SMG6: variants seen among roughly 807,000 people sequenced by gnomAD.
SMG6 encodes the protein SMG6 nonsense mediated mRNA decay factor.
In SMG6, 66 loss-of-function variants were observed where a neutral mutation model predicts 142.2. The observed-to-expected ratio is 0.46, with a 90% CI of 0.38 to 0.57. The LOEUF (loss-of-function observed/expected upper bound fraction) is 0.57. SMG6 is among the 20% of genes least tolerant of loss of function. The probability of loss-of-function intolerance (pLI) is 0.00; values close to 1 mark genes in which losing one functional copy is unlikely to be tolerated. For missense variants in SMG6, 1,793 were observed against 1,832.0 expected (o/e 0.98, Z 0.39); for synonymous variants, 779 against 702.4 (o/e 1.11, Z -1.72).
At chr17:2,289,794 T>A (rs2074989606) in intron 6 of SMG6, among the ~76,000 whole-genome samples, 1 of 151,640 alleles carries the variant, frequency 6.6e-6, no homozygotes, top group African/African-American at 2.4e-5. Flanking sequence ...GCACCTGTAA[T>A]CCCAGCTACC....
intron 13 of SMG6, among the ~76,000 whole-genome samples, chr17:2,105,920 TAA>T (rs1487831687): frequency 6.6e-6 from 1 of 152,162 alleles, no homozygotes; most frequent in Non-Finnish European, 1.5e-5. Flanking sequence ...CTACTGAATG[TAA>T]AGAGTAAAGT....
chr17:2,182,678 C>G (rs576631584), intron 12 of SMG6, among the ~76,000 whole-genome samples: 1 of 152,162 alleles, frequency 6.6e-6, no homozygotes, highest in Admixed American at 6.5e-5. Context: ...CCCCTCCCTA[C>G]TCCCCAAAAG....
At chr17:2,114,557 C>A (rs1377543050) in intron 13 of SMG6, among the ~76,000 whole-genome samples, 2 of 152,016 alleles carry the variant, frequency 1.3e-5, no homozygotes, top group Non-Finnish European at 2.9e-5. Flanking sequence ...ACAGATGAGA[C>A]CTTAGCGGCA....
chr17:2,262,222 T>C (rs1012717976), intron 8 of SMG6, among the ~76,000 whole-genome samples: 3 of 152,252 alleles, frequency 2.0e-5, no homozygotes, highest in Admixed American at 6.5e-5. Context: ...GCATAACTTA[T>C]TCCTAAGCCA....
At chr17:2,088,040 G>A (rs980245811) in intron 13 of SMG6, 1 of 985,596 alleles carries the variant, frequency 1.0e-6, no homozygotes. Flanking sequence ...GGGAGCTAAG[G>A]AGTGAGAAGA....
intron 13 of SMG6, among the ~76,000 whole-genome samples, chr17:2,096,418 AG>A (rs1736070114): frequency 6.6e-6 from 1 of 152,232 alleles, no homozygotes; most frequent in African/African-American, 2.4e-5. Context: ...CATGTTGGCC[AG>A]GATGGCCTCG....
chr17:2,294,494 G>A (rs529080469), intron 4 of SMG6, among the ~76,000 whole-genome samples: 128 of 152,302 alleles, frequency 8.4e-4, no homozygotes, highest in Admixed American at 1.7e-3. Context: ...ACCTCAGTCA[G>A]ACCAGACTCC....
intron 13 of SMG6, among the ~76,000 whole-genome samples, chr17:2,130,868 G>GT (rs1335563994): frequency 6.6e-6 from 1 of 152,098 alleles, no homozygotes; most frequent in Non-Finnish European, 1.5e-5. Context: ...GCTGGGCGTG[G>GT]TGGCAGGTGC....
rs891050326 is a variant in SMG6 at position 2,122,675 on chromosome 17, C to A, written c.3358-36774G>T. Among the ~76,000 whole-genome samples, 43 of 152,218 alleles carry A rather than the reference C, an allele frequency of 2.8e-4. 1 individual carries two copies. The highest frequency in any genetic ancestry group is 1.5e-5 in the Non-Finnish European group (1 of 68,042). On this transcript the variant is annotated intron_variant, in intron 13 of 18. Coordinates refer to ENST00000263073, the MANE Select transcript of SMG6 (RefSeq NM_017575.5). The stretch of plus-strand genomic sequence containing the variant: ...AAGTTAGAAGCCGCGAGCCACTTAG[C>A]CTCTCCAGCTCCAGTAGTTCTGTGT...
chr17:2,061,742 TCTTCTACCAGTC>T, intron 18 of SMG6, 120 bp from the exon 19 acceptor site: 1 of 1,177,282 alleles, frequency 8.5e-7, no homozygotes, highest in South Asian at 1.4e-5. Context: ...GTGTCTTGGC[TCTTCTACCAGTC>T]CTTTCCTCCG....
At chr17:2,213,727 A>G (rs1400469835) in intron 10 of SMG6, 1 of 152,238 alleles carries the variant, frequency 6.6e-6, no homozygotes, top group East Asian at 1.9e-4. Context: ...CACTGCACAG[A>G]CTGTAACAAC....
Position 2,190,762 on chromosome 17 carries a change from C to T in SMG6, c.2870-2247G>A, listed in dbSNP as rs1190235202. On this transcript the variant is annotated intron_variant, in intron 10 of 18. Transcript: ENST00000263073. ...AAGGCAGCTTCATGACTGCTCTGTCCTTGGTGACGGTTATGTCACCTCAAC... is the reference window on the plus strand; with the variant it reads ...AAGGCAGCTTCATGACTGCTCTGTCTTTGGTGACGGTTATGTCACCTCAAC... 2.0e-5 allele frequency among the ~76,000 whole-genome samples: 3 copies of T among 152,168 alleles called. No individual in the cohort carries two copies. In the East Asian group the frequency reaches 5.8e-4, roughly 29 times the overall value.
intron 13 of SMG6, among the ~76,000 whole-genome samples, chr17:2,161,105 CT>C (rs34928313): frequency 0.37 from 48,856 of 132,518 alleles, 9,419 homozygotes; most frequent in African/African-American, 0.54. Context: ...ATAACTGACC[CT>C]TTTTTTTTTT....
chr17:2,086,563 G>A (rs1021195589), intron 13 of SMG6, among the ~76,000 whole-genome samples: 9 of 152,302 alleles, frequency 5.9e-5, no homozygotes, highest in Non-Finnish European at 1.2e-4. Flanking sequence ...TGACGTTTAC[G>A]CCAACCTGCT....
chr17:2,232,759 A>C (rs1199096816), intron 10 of SMG6: 1 of 152,126 alleles, frequency 6.6e-6, no homozygotes, highest in Non-Finnish European at 1.5e-5. Flanking sequence ...TGAAACTGGA[A>C]AGTTTAGTTG....
chr17:2,179,048 G>A (rs1485937262), intron 12 of SMG6, among the ~76,000 whole-genome samples: 4 of 152,182 alleles, frequency 2.6e-5, no homozygotes, highest in South Asian at 2.1e-4. Flanking sequence ...TACGGGAGGC[G>A]TGGGGAGGGG....
chr17:2,151,610 G>T (rs2070827770), intron 13 of SMG6, among the ~76,000 whole-genome samples: 1 of 152,178 alleles, frequency 6.6e-6, no homozygotes, highest in Non-Finnish European at 1.5e-5. Context: ...CAAAGAAAAA[G>T]AAACTCTACT....
Position 2,299,140 on chromosome 17 carries a change from A to T in SMG6, c.1613T>A (p.Val538Glu). 1 of 1,613,436 alleles carries T rather than the reference A, an allele frequency of 6.2e-7. No homozygotes were observed. Among genetic ancestry groups the T allele is most frequent in the Non-Finnish European group, 8.5e-7 (1 of 1,179,530 alleles). Residue 538 changes from valine to glutamate, a missense_variant, in exon 2 of 19, where the codon GTG becomes GAG. Val to Glu is a moderately radical substitution (Grantham distance 121). Coordinates refer to ENST00000263073, the MANE Select transcript of SMG6 (RefSeq NM_017575.5). The surrounding 1 kb of genome is among the most constrained non-coding windows in gnomAD (Gnocchi z 4.3). ...LQYPVGPTNG[V>E]YPGPYYPGYP... ...GCCTGGGTAGTAAGGCCCTGGGTAC[A>T]CACCATTCGTAGGGCCCACTGGGTA...
At chr17:2,281,187 T>C (rs2074777733) in intron 8 of SMG6, among the ~76,000 whole-genome samples, 2 of 152,162 alleles carry the variant, frequency 1.3e-5, no homozygotes, top group Non-Finnish European at 2.9e-5. Context: ...GCACCTACGC[T>C]GGATCATAGC....
Sources: gnomAD v4.1 joint callset for allele counts (sites outside exome capture counted in the v4.1 genomes callset) on GRCh38, gnomAD v4.1.1 for gene constraint, Gnocchi (gnomAD v3.1) non-coding constraint, MANE v1.5 for transcripts, NCBI Gene and HGNC (gene_info 2026-07-23, HGNC 2026-07-21) for gene names.